The following HDAC7 variants were observed in gnomAD, a reference collection of about 807,000 sequenced individuals.
HDAC7 encodes the protein histone deacetylase 7, also known as histone deacetylase 7A.
In HDAC7, 26 loss-of-function variants were observed where a neutral mutation model predicts 115.5. The observed-to-expected ratio is 0.23, with a 90% confidence interval of 0.16 to 0.31. The LOEUF (loss-of-function observed/expected upper bound fraction) is 0.31. Ranked by LOEUF, HDAC7 falls within the 10% of genes least tolerant of loss-of-function variation. The pLI is 1.00. For synonymous variants in HDAC7, 564 were observed against 550.9 expected, an observed-to-expected ratio of 1.02 and a Z score of -0.33; for missense variants, 1,068 against 1,329.0, an observed-to-expected ratio of 0.80 and a Z score of 3.05.
intron 1 of HDAC7, among the ~76,000 whole-genome samples, chr12:47,810,527 A>G (rs969991781): frequency 2.6e-5 from 4 of 152,156 alleles, no homozygotes; most frequent in African/African-American, 9.7e-5. Flanking sequence ...CACCCCTGCC[A>G]TCCTCAATTC....
Position 47,795,891 on chromosome 12 carries a change from A to AC in HDAC7, c.906+14dup. The AC allele has an allele frequency of 6.5e-7, 1 of 1,537,148 alleles. No individual in the cohort carries two copies. The stretch of plus-strand genomic sequence containing the variant: ...GGGGGGGCTTGGAGTGGGGGTGGGC[A>AC]CCCCAGCCACTCACCCTGGCAGGGG... On this transcript the variant is annotated intron_variant, in intron 9 of 25. Transcript: ENST00000080059. The surrounding 1 kb of genome is among the most constrained non-coding windows in gnomAD (Gnocchi z 4.3).
chr12:47,784,906 A>G, intron 24 of HDAC7: 1 of 772,432 alleles, frequency 1.3e-6, no homozygotes. Context: ...TATCCCTAGT[A>G]TAGATTATGG....
In HDAC7 at chr12:47,795,643, C is replaced by T; in HGVS notation, c.1031G>A (p.Arg344His). 1.3e-6 allele frequency: 2 copies of T among 1,555,706 alleles called. No individual in the cohort carries two copies. Among genetic ancestry groups the T allele is most frequent in the Non-Finnish European group, 1.7e-6 (2 of 1,149,720 alleles). ...EPEAGGTLPS[R>H]LQPILLLDPS... ...GTCCAGGAGGAGAATGGGCTGCAGG[C>T]GAGAGGGCAAGGTGCCCCCAGCCTC... The change falls in exon 10 of 26, where the codon CGC (arginine) becomes CAC (histidine). Residue 344 changes from arginine to histidine, a missense_variant. Arg to His is a conservative substitution (Grantham distance 29). This residue lies in a region of HDAC7 where 618 missense variants were observed against 701.5 expected (regional missense o/e 0.88). Transcript: ENST00000080059. This position sits in a 1 kb window ranked among gnomAD's most constrained non-coding sequence, Gnocchi z 4.3.
intron 2 of HDAC7, 142 bp downstream of exon 2, chr12:47,802,082 C>A: frequency 1.2e-6 from 1 of 845,058 alleles, no homozygotes; most frequent in Non-Finnish European, 1.9e-6. Flanking sequence ...CTCGCCCCTC[C>A]CTGGAGCCGC....
In HDAC7 at chr12:47,802,246, G is replaced by A. The variant is rs749642720; in HGVS notation, c.48C>T (p.His16=). The change falls in exon 2 of 26, where the codon CAC becomes CAT. Residue 16 remains histidine, a synonymous_variant. Transcript: ENST00000080059. ...ADGTQVSPGA[H]YCSPTGAGCP... is the part of the protein sequence containing the mutation. ...TACCTGCGCCAGTGGGGCTGCAGTA[G>A]TGGGCACCCGGGCTCACCTGGGTCC... The A allele has an allele frequency of 1.9e-6, 3 of 1,614,024 alleles. No individual in the cohort carries two copies. Among genetic ancestry groups the A allele is most frequent in the Non-Finnish European group, 2.5e-6 (3 of 1,179,978 alleles).
At chr12:47,805,561 G>T (rs1944364257) in intron 1 of HDAC7, among the ~76,000 whole-genome samples, 2 of 152,196 alleles carry the variant, frequency 1.3e-5, no homozygotes, top group South Asian at 4.1e-4. Flanking sequence ...CCATGGGGCT[G>T]GCAGAGAAGA....
intron 24 of HDAC7, 167 bp downstream of exon 24, chr12:47,785,220 G>T: frequency 1.6e-6 from 1 of 638,660 alleles, no homozygotes; most frequent in Non-Finnish European, 2.7e-6. Flanking sequence ...ACCCCTCACT[G>T]GGGGGTGCTC....
intron 19 of HDAC7, 54 bp downstream of exon 19, chr12:47,789,207 A>C (rs1217265242): frequency 7.4e-7 from 1 of 1,346,974 alleles, no homozygotes; most frequent in Non-Finnish European, 1.1e-6. Flanking sequence ...CATCAGGCTC[A>C]GGGCTTTTCC....
At chr12:47,796,407 C>T (rs1943846095) in intron 7 of HDAC7, 109 bp from the exon 8 acceptor site, 2 of 659,464 alleles carry the variant, frequency 3.0e-6, no homozygotes, top group African/African-American at 3.8e-5. Flanking sequence ...CCTTAACGAG[C>T]ACCTTTGCTT....
At chr12:47,820,779 C>T (rs1157704682), upstream of HDAC7, among the ~76,000 whole-genome samples, 1 of 151,664 alleles carries the variant, frequency 6.6e-6, no homozygotes, top group Non-Finnish European at 1.5e-5. The surrounding 1 kb of genome is among the most constrained non-coding windows in gnomAD (Gnocchi z 4.3). Context: ...TGCCCAGTGT[C>T]CCCCAGTGCA....
At position 47,789,543 on chromosome 12, in the gene HDAC7, A is replaced by G. The variant is rs371466541; in HGVS notation, c.2127T>C (p.His709=). 2.5e-6 allele frequency: 4 copies of G among 1,614,082 alleles called. No homozygotes were observed. The African/African-American group carries it at 5.3e-5, about 22-fold the overall frequency. The change falls in exon 18 of 26, where the codon CAT becomes CAC. Residue 709 remains histidine (H), a synonymous_variant. Transcript: ENST00000080059. ...CTTACATGGCTGTTGAATGATCTGC[A>G]TGGTGTCCTGGGGGCCGCACCACAG... is the stretch of plus-strand genomic sequence containing the variant. ...GFAVVRPPGH[H]ADHSTAMGFC...
chr12:47,802,114 AT>A lies in HDAC7; in HGVS notation c.70+109del, dbSNP rs547128832. ...CCGCCACCTCCTGGCTCTCTGGCAG[AT>A]CAGCCAGCGACCCTGCTTCTCTAAC... On this transcript the variant is annotated intron_variant, in intron 2 of 25. Coordinates refer to ENST00000080059, the MANE Select transcript of HDAC7 (RefSeq NM_015401.5). 138 of 1,202,564 alleles carry A rather than the reference AT, an allele frequency of 1.1e-4. No homozygotes were observed. The African/African-American group carries it at 1.6e-3, about 14-fold the overall frequency. The allele number at this position is 1,202,564 out of a possible 1,614,324, so 74.5% of individuals were successfully genotyped here. A position where few individuals can be genotyped will look rare whatever the true frequency, so the allele number is the denominator to read the frequency against.
rs543267989 is a variant in HDAC7, at chr12:47,787,746, G to T, written c.2419C>A (p.Pro807Thr). ...NVAWAGGLDPPMGDPEYLAAF... is the reference protein window; with the variant it reads ...NVAWAGGLDPTMGDPEYLAAF... Reference sequence around the variant, plus strand: ...GCCAGGTACTCAGGATCCCCCATGGGGGGGTCCAGACCTCCAGCCCAGGCC... The same window carrying T: ...GCCAGGTACTCAGGATCCCCCATGGTGGGGTCCAGACCTCCAGCCCAGGCC... The change falls in exon 21 of 26, where the codon CCC becomes ACC. Residue 807 changes from proline to threonine, a missense_variant. Pro to Thr is a conservative substitution (Grantham distance 38). Around this residue, in one of 6 missense-constraint regions of HDAC7, gnomAD observed 182 missense variants for 301.1 expected, o/e 0.60. Transcript: ENST00000080059. The T allele has an allele frequency of 3.7e-6, 6 of 1,612,262 alleles. No homozygotes were observed. The East Asian group carries it at 8.9e-5, about 24-fold the overall frequency.
intron 1 of HDAC7, among the ~76,000 whole-genome samples, chr12:47,807,280 T>C (rs1336554272): frequency 6.6e-6 from 1 of 152,156 alleles, no homozygotes; most frequent in Non-Finnish European, 1.5e-5. Flanking sequence ...CCAACTATGC[T>C]CTCTTCCCTT....
At chr12:47,784,489 C>A (rs886429162) in intron 24 of HDAC7, 16 of 601,166 alleles carry the variant, frequency 2.7e-5, no homozygotes, top group African/African-American at 2.6e-4. Context: ...GCTGCAAGGC[C>A]ACCTTTGACT....
At chr12:47,811,045 G>GTA (rs1555144515) in intron 1 of HDAC7, among the ~76,000 whole-genome samples, 1 of 152,244 alleles carries the variant, frequency 6.6e-6, no homozygotes, top group Non-Finnish European at 1.5e-5. Flanking sequence ...TCTGCACTCA[G>GTA]TAAGAACCAG....
At chr12:47,790,990 T>TG in intron 16 of HDAC7, 1 of 559,954 alleles carries the variant, frequency 1.8e-6, no homozygotes, top group East Asian at 3.1e-5. Context: ...GCCTTGGCCC[T>TG]GCTCCTGAAA....
chr12:47,819,749 C>T lies in HDAC7; in HGVS notation c.19+18G>A. On this transcript the variant is annotated intron_variant, in intron 1 of 25. Coordinates refer to ENST00000080059, the MANE Select transcript of HDAC7 (RefSeq NM_015401.5). ...GCCGCGCGCAGGGCGGGGCGGGGGG[C>T]GGCCGCCCAGTACTCACCAGCGCCG... is the stretch of plus-strand genomic sequence containing the variant. 1.3e-5 allele frequency: 11 copies of T among 827,346 alleles called. No homozygotes were observed. The highest frequency in any genetic ancestry group is 1.5e-5 in the Non-Finnish European group (10 of 679,628). 51.3% of individuals were successfully genotyped at this position (827,346 alleles called of 1,614,324 possible).
At chr12:47,816,885 G>A (rs566817857) in intron 1 of HDAC7, among the ~76,000 whole-genome samples, 5 of 152,268 alleles carry the variant, frequency 3.3e-5, no homozygotes, top group South Asian at 4.1e-4. Context: ...CCCAGAAGAC[G>A]CCAAAGGGCC....
Sources: gnomAD v4.1 joint callset for allele counts (sites outside exome capture counted in the v4.1 genomes callset) on GRCh38, gnomAD v4.1.1 for gene constraint, gnomAD v4.1.1 regional missense constraint, Gnocchi (gnomAD v3.1) non-coding constraint, MANE v1.5 for transcripts, NCBI Gene and HGNC (gene_info 2026-07-23, HGNC 2026-07-21) for gene names.